Variants in ZNF436 observed in about 807,000 individuals in gnomAD.
ZNF436 encodes the protein zinc finger protein 436.
A neutral mutation model predicts 41.9 loss-of-function variants in ZNF436; 22 were observed. The ratio of observed to expected loss-of-function variants is 0.53; its 90% CI spans 0.38 to 0.75. The LOEUF (loss-of-function observed/expected upper bound fraction) is 0.75. Among genes scored for constraint, ZNF436 ranks in the 30% least tolerant of loss-of-function variants. The pLI is 0.00. For missense variants in ZNF436, 506 were observed against 587.3 expected, an observed-to-expected ratio of 0.86 and a Z score of 1.43; for synonymous variants, 217 against 197.8, an observed-to-expected ratio of 1.10 and a Z score of -0.82.
At position 23,369,610 on chromosome 1, in the gene ZNF436, C is replaced by G. The variant is rs1161280884; in HGVS notation, c.-305G>C. ...CGAGGCCTCAGACTCGCAGGCAGCTCAGAAACCACAGGCTCATAGGCAGAT... is the reference window on the plus strand; with the variant it reads ...CGAGGCCTCAGACTCGCAGGCAGCTGAGAAACCACAGGCTCATAGGCAGAT... On this transcript the variant is annotated 5_prime_UTR_variant, in exon 1 of 4. Transcript: ENST00000314011. 7 of 529,832 alleles carry G rather than the reference C, an allele frequency of 1.3e-5. No homozygotes were observed. The African/African-American group carries it at 1.3e-4, about 10-fold the overall frequency. The allele number at this position is 529,832 out of a possible 1,614,324, so 32.8% of individuals were successfully genotyped here.
Position 23,363,165 on chromosome 1 carries a change from C to T in ZNF436, c.217G>A (p.Val73Ile). ...CTTTCAGATGTAGTCCCAAATTGTACATCTTCACTAATCTCTTGCTTGGGA... is the reference window on the plus strand; with the variant it reads ...CTTTCAGATGTAGTCCCAAATTGTATATCTTCACTAATCTCTTGCTTGGGA... The part of the protein sequence containing the change: ...VNPKQEISED[V>I]QFGTTSERPA... The change falls in exon 4 of 4, where the codon GTA (valine) becomes ATA (isoleucine). Residue 73 changes from valine to isoleucine, a missense_variant. Val to Ile is a conservative substitution (Grantham distance 29). Transcript: ENST00000314011. The T allele has an allele frequency of 1.2e-6, 2 of 1,614,060 alleles. No homozygotes were observed. Among genetic ancestry groups the T allele is most frequent in the South Asian group, 1.1e-5 (1 of 91,086 alleles).
At chr1:23,365,347 G>A (rs950847449) in intron 3 of ZNF436, among the ~76,000 whole-genome samples, 28 of 152,030 alleles carry the variant, frequency 1.8e-4, no homozygotes, top group African/African-American at 6.8e-4. Context: ...AGTGAGCTGA[G>A]ATCGCGCCAC....
chr1:23,368,157 G>GGGCCCTGGACCAGGGCCGGGTC, intron 1 of ZNF436, 92 bp from the exon 2 acceptor site: 1 of 848,710 alleles, frequency 1.2e-6, no homozygotes, highest in Admixed American at 2.5e-5. Flanking sequence ...CGGGCAGGGA[G>GGGCCCTGGACCAGGGCCGGGTC]GGCCCTGGAC....
At chr1:23,368,307 T>C (rs1419834640) in intron 1 of ZNF436, 2 of 400,226 alleles carry the variant, frequency 5.0e-6, no homozygotes, top group Middle Eastern at 6.9e-4. Flanking sequence ...GTTAGACCGC[T>C]GCTGTCTCAG....
At chr1:23,368,282 C>T (rs1638410613) in intron 1 of ZNF436, 1 of 449,210 alleles carries the variant, frequency 2.2e-6, no homozygotes. Flanking sequence ...TGGCTGGGTC[C>T]CTCCCGCGCC....
rs979426848 is a variant in ZNF436 at position 23,359,714 on chromosome 1, A to AT, written c.*2254dup. 2.0e-5 allele frequency: 3 copies of AT among 152,706 alleles called. No individual in the cohort carries two copies. In the Admixed American group the frequency reaches 2.0e-4, roughly 10 times the overall value. The allele number at this position is 152,706 out of a possible 1,614,324, so 9.5% of individuals were successfully genotyped here. ...AGTTCAACACAGCAAACGGGCAACAATTGGCAGAAAGAGGAGACAGCTGGT... is the reference window on the plus strand; with the variant it reads ...AGTTCAACACAGCAAACGGGCAACAATTTGGCAGAAAGAGGAGACAGCTGGT... On this transcript the variant is annotated 3_prime_UTR_variant, in exon 4 of 4. Transcript: ENST00000314011.
chr1:23,368,299 T>A, intron 1 of ZNF436: 1 of 415,602 alleles, frequency 2.4e-6, no homozygotes, highest in Non-Finnish European at 4.4e-6. Context: ...CGCCGGGGGT[T>A]AGACCGCTGC....
intron 3 of ZNF436, among the ~76,000 whole-genome samples, chr1:23,364,492 C>G (rs1202874631): frequency 6.6e-6 from 1 of 152,184 alleles, no homozygotes; most frequent in Non-Finnish European, 1.5e-5. Context: ...CCCGCCTCAG[C>G]CTCCCAAACT....
chr1:23,367,112 A>G lies in ZNF436; in HGVS notation c.90T>C (p.Pro30=). 1.9e-6 allele frequency: 3 copies of G among 1,613,890 alleles called. No homozygotes were observed. The highest frequency in any genetic ancestry group is 2.5e-6 in the Non-Finnish European group (3 of 1,179,890). ...AMYLTREEWR[P]LDAAQRDLYR... The stretch of plus-strand genomic sequence containing the variant: ...AAAGGTCCCTCTGTGCAGCGTCCAG[A>G]GGTCTCCATTCTTCCCGGGTGAGAT... Residue 30 remains proline, a synonymous_variant, in exon 3 of 4, where the codon CCT becomes CCC. Coordinates refer to ENST00000314011, the MANE Select transcript of ZNF436 (RefSeq NM_001077195.2).
chr1:23,363,108 T>C lies in ZNF436; in HGVS notation c.274A>G (p.Ser92Gly). The change falls in exon 4 of 4, where the codon AGT (serine) becomes GGT (glycine). Residue 92 changes from serine (S) to glycine (G), a missense_variant. Physicochemically the swap from Ser to Gly is moderately conservative, Grantham distance 56. Coordinates refer to ENST00000314011, the MANE Select transcript of ZNF436 (RefSeq NM_001077195.2). ...TCTCCGCTTTCAAAGCCCTCTTCAC[T>C]TTCAGGATTTTCCTCAGCATTCTCA... ...PAENAEENPE[S>G]EEGFESGDRS... The C allele has an allele frequency of 6.2e-7, 1 of 1,614,220 alleles. No homozygotes were observed. Among genetic ancestry groups the C allele is most frequent in the Non-Finnish European group, 8.5e-7 (1 of 1,180,042 alleles).
At chr1:23,369,175 C>T (rs1638438895) in intron 1 of ZNF436, 191 bp downstream of exon 1, 2 of 390,872 alleles carry the variant, frequency 5.1e-6, no homozygotes, top group Admixed American at 6.4e-5. Flanking sequence ...AGCCAGGCCC[C>T]TGCGGGGGGG....
chr1:23,361,959 T>C lies in ZNF436; in HGVS notation c.*10A>G, dbSNP rs1570182614. 1.3e-6 allele frequency: 2 copies of C among 1,559,438 alleles called. No homozygotes were observed. Among genetic ancestry groups the C allele is most frequent in the Non-Finnish European group, 1.7e-6 (2 of 1,154,850 alleles). On this transcript the variant is annotated 3_prime_UTR_variant, in exon 4 of 4. Transcript: ENST00000314011. ...CAAATGAATCATTTCTCAGCCATCA[T>C]AATTACAGCTTAGTCCGTATGAACT...
chr1:23,362,362 C>G lies in ZNF436; in HGVS notation c.1020G>C (p.Gly340=). The G allele has an allele frequency of 6.2e-7, 1 of 1,613,466 alleles. No individual in the cohort carries two copies. The change falls in exon 4 of 4, where the codon GGG becomes GGC. Residue 340 remains glycine (G), a synonymous_variant. Coordinates refer to ENST00000314011, the MANE Select transcript of ZNF436 (RefSeq NM_001077195.2). ...AGTGTGAGATGCGGCTGAAATTTTC[C>G]CCACATTCGTTACAGTGGTATGGCT... is the stretch of plus-strand genomic sequence containing the variant. The part of the protein sequence containing the change: ...GEKPYHCNEC[G]ENFSRISHLV...
rs1349993501 is a variant in ZNF436, at chr1:23,368,036, G to C, written c.-31C>G. 5.0e-6 allele frequency: 8 copies of C among 1,613,688 alleles called. No homozygotes were observed. Among genetic ancestry groups the C allele is most frequent in the African/African-American group, 1.3e-5 (1 of 74,896 alleles). ...GCACAAGGGTTCGCCTCCAGGGAGA[G>C]AGAGCAGGAAAAGCAGCTAGCAGAC... On this transcript the variant is annotated 5_prime_UTR_variant, in exon 2 of 4. Coordinates refer to ENST00000314011, the MANE Select transcript of ZNF436 (RefSeq NM_001077195.2).
At chr1:23,365,265 G>C (rs570903666) in intron 3 of ZNF436, among the ~76,000 whole-genome samples, 7 of 150,654 alleles carry the variant, frequency 4.6e-5, no homozygotes, top group Admixed American at 4.6e-4. Flanking sequence ...GTGTGGTGGC[G>C]GGCACCTGTA....
At position 23,363,007 on chromosome 1, in the gene ZNF436, T is replaced by C. The variant is rs367955618; in HGVS notation, c.375A>G (p.Leu125=). 1.2e-6 allele frequency: 2 copies of C among 1,614,104 alleles called. No individual in the cohort carries two copies. The highest frequency in any genetic ancestry group is 1.7e-6 in the Non-Finnish European group (2 of 1,180,058). ...VSYPLQPVTD[L]LVHKEVHTGI... is the part of the protein sequence containing the mutation. Reference sequence around the variant, plus strand: ...CTGTGTGGACTTCTTTGTGGACAAGTAGATCAGTGACTGGTTGGAGAGGAT... The same window carrying C: ...CTGTGTGGACTTCTTTGTGGACAAGCAGATCAGTGACTGGTTGGAGAGGAT... Residue 125 remains leucine (L), a synonymous_variant, in exon 4 of 4, where the codon CTA becomes CTG. Transcript: ENST00000314011.
rs1435513980 is a variant in ZNF436 at position 23,369,532 on chromosome 1, G to C, written c.-227C>G. On this transcript the variant is annotated 5_prime_UTR_variant, in exon 1 of 4. Transcript: ENST00000314011. ...CCCGCAGGTAGATCTCGAATTCGTA[G>C]ACTTGCAGGCGAAGCCCAGATATCG... 1 of 532,820 alleles carries C rather than the reference G, an allele frequency of 1.9e-6. No individual in the cohort carries two copies. Among genetic ancestry groups the C allele is most frequent in the East Asian group, 5.5e-5 (1 of 18,214 alleles). The allele number at this position is 532,820 out of a possible 1,614,324, so 33.0% of individuals were successfully genotyped here.
At chr1:23,367,216 G>A in intron 2 of ZNF436, 48 bp from the exon 3 acceptor site, 2 of 1,524,336 alleles carry the variant, frequency 1.3e-6, no homozygotes, top group Non-Finnish European at 1.8e-6. Context: ...AGGACTTCTT[G>A]AAATTAGAAA....
Position 23,362,347 on chromosome 1 carries a change from G to A in ZNF436, c.1035C>T (p.Arg345=). The A allele has an allele frequency of 1.2e-6, 2 of 1,612,470 alleles. No individual in the cohort carries two copies. Among genetic ancestry groups the A allele is most frequent in the Middle Eastern group, 1.7e-4 (1 of 6,048 alleles). Residue 345 remains arginine, a synonymous_variant, in exon 4 of 4, where the codon CGC becomes CGT. Transcript: ENST00000314011. ...HCNECGENFS[R]ISHLVQHQRT... is the part of the protein sequence containing the mutation. ...TCTGGTGCTGAACCAAGTGTGAGAT[G>A]CGGCTGAAATTTTCCCCACATTCGT...
Sources: allele counts gnomAD v4.1 joint callset (sites outside exome capture counted in the v4.1 genomes callset), GRCh38; gene constraint gnomAD v4.1.1; transcripts MANE v1.5; gene names NCBI Gene and HGNC (gene_info 2026-07-23, HGNC 2026-07-21).